The following PHF14 variants were observed in gnomAD, a reference collection of about 807,000 sequenced individuals.
The protein encoded by PHF14 is PHD finger protein 14.
In PHF14, 55 loss-of-function variants were observed where a neutral mutation model predicts 117.9. That is an observed-to-expected ratio of 0.47 (90% CI 0.38 to 0.58). The LOEUF (loss-of-function observed/expected upper bound fraction) is 0.58. Among genes scored for constraint, PHF14 ranks in the 20% least tolerant of loss-of-function variants. The pLI is 0.00. For synonymous variants in PHF14, 409 were observed against 368.6 expected (o/e 1.11, Z -1.26); for missense variants, 978 against 1,122.2 (o/e 0.87, Z 1.84).
intron 2 of PHF14, among the ~76,000 whole-genome samples, chr7:10,981,527 C>T (rs1292851696): frequency 2.0e-5 from 3 of 152,140 alleles, no homozygotes; most frequent in Non-Finnish European, 4.4e-5. Flanking sequence ...AAGAAACCTG[C>T]TAGAAAGCTT....
chr7:11,014,360 A>G (rs1783452269), intron 5 of PHF14, among the ~76,000 whole-genome samples: 1 of 152,200 alleles, frequency 6.6e-6, no homozygotes, highest in Non-Finnish European at 1.5e-5. Context: ...AAGAGTCACT[A>G]TAAGGTATAA....
In PHF14 at chr7:11,067,165, C is replaced by T. The variant is rs143857676; in HGVS notation, c.2654+5080C>T. Among the ~76,000 whole-genome samples, 7 of 152,172 alleles carry T rather than the reference C, an allele frequency of 4.6e-5. No homozygotes were observed. In the East Asian group the frequency reaches 9.7e-4, roughly 21 times the overall value. ...ATGGGCATAGGACTTGAAAATATTT[C>T]TCCAAAGAAGATATACAGTAGCCAA... On this transcript the variant is annotated intron_variant, in intron 16 of 17. Coordinates refer to ENST00000634607, the MANE Select transcript of PHF14 (RefSeq NM_001007157.2).
rs1173378531 is a variant in PHF14, at chr7:11,022,756, T to C, written c.1206-112T>C. On this transcript the variant is annotated intron_variant, in intron 5 of 17. Transcript: ENST00000634607. Reference sequence around the variant, plus strand: ...GAGATTGCGAGATTTTAACATTTGATTACAGAATTCTCTTGGTAGTATTTT... The same window carrying C: ...GAGATTGCGAGATTTTAACATTTGACTACAGAATTCTCTTGGTAGTATTTT... The C allele has an allele frequency of 7.8e-6, 4 of 510,234 alleles. No individual in the cohort carries two copies. In the African/African-American group the frequency reaches 7.9e-5, roughly 10 times the overall value. The allele number at this position is 510,234 out of a possible 1,614,324, so 31.6% of individuals were successfully genotyped here. A position where few individuals can be genotyped will look rare whatever the true frequency, so the allele number is the denominator to read the frequency against.
intron 2 of PHF14, 103 bp from the exon 3 acceptor site, chr7:10,982,269 A>G: frequency 4.4e-6 from 3 of 677,254 alleles, no homozygotes; most frequent in Non-Finnish European, 7.2e-6. Flanking sequence ...TTGTTTTGCA[A>G]GTTATTCACA....
At position 11,138,653 on chromosome 7, in the gene PHF14, T is replaced by A. The variant is rs528696108; in HGVS notation, c.2772+27186T>A. ...TATACTTAACAAATATTTTAATTTC[T>A]GATATTTATCTCACTTGCATATCAT... On this transcript the variant is annotated intron_variant, in intron 17 of 17. Coordinates refer to ENST00000634607, the MANE Select transcript of PHF14 (RefSeq NM_001007157.2). 3.3e-5 allele frequency among the ~76,000 whole-genome samples: 5 copies of A among 152,322 alleles called. No individual in the cohort carries two copies. The East Asian group carries it at 9.6e-4, about 29-fold the overall frequency.
chr7:11,136,753 T>C (rs1788231945), intron 17 of PHF14, among the ~76,000 whole-genome samples: 5 of 152,296 alleles, frequency 3.3e-5, no homozygotes, highest in Admixed American at 2.0e-4. Flanking sequence ...ATTAGATATA[T>C]GAGACCAAGA....
At chr7:11,103,040 A>G (rs1787143140) in intron 16 of PHF14, 1 of 987,420 alleles carries the variant, frequency 1.0e-6, no homozygotes, top group Non-Finnish European at 1.2e-6. Flanking sequence ...CTTCAACTTC[A>G]TACATAGATT....
At chr7:11,013,129 T>C (rs796081112) in intron 4 of PHF14, among the ~76,000 whole-genome samples, 19 of 152,284 alleles carry the variant, frequency 1.2e-4, no homozygotes, top group African/African-American at 4.1e-4. Flanking sequence ...TTAATCTAAA[T>C]TCTTTAATGA....
chr7:11,015,209 T>C (rs891036915), intron 5 of PHF14: 5 of 152,140 alleles, frequency 3.3e-5, no homozygotes, highest in Admixed American at 1.3e-4. Context: ...AATTTTACTT[T>C]AGTAAAGTAA....
intron 16 of PHF14, chr7:11,109,053 CTA>C (rs1787359802): frequency 6.6e-6 from 1 of 151,716 alleles, no homozygotes; most frequent in African/African-American, 2.4e-5. Context: ...GGAGAAAAGA[CTA>C]TAGTTAACAA....
At chr7:11,001,194 C>G (rs1782860090) in intron 4 of PHF14, among the ~76,000 whole-genome samples, 1 of 152,104 alleles carries the variant, frequency 6.6e-6, no homozygotes, top group Non-Finnish European at 1.5e-5. Flanking sequence ...TGTCAAAGAT[C>G]AGTTGACTAT....
intron 16 of PHF14, among the ~76,000 whole-genome samples, chr7:11,086,753 G>A (rs1786423954): frequency 1.3e-5 from 2 of 151,932 alleles, no homozygotes. Context: ...TTGAAATTTT[G>A]GTTAGATTGG....
intron 5 of PHF14, chr7:11,014,798 C>G (rs1367468381): frequency 1.3e-5 from 2 of 151,980 alleles, no homozygotes; most frequent in African/African-American, 2.4e-5. Context: ...ATAAGTGGCA[C>G]AAAGACCTGT....
chr7:11,062,046 C>T lies in PHF14; in HGVS notation c.2615C>T (p.Ala872Val). The change falls in exon 16 of 18, where the codon GCA becomes GTA. Residue 872 changes from alanine to valine, a missense_variant. Ala to Val is a moderately conservative substitution (Grantham distance 64, BLOSUM62 0). Coordinates refer to ENST00000634607, the MANE Select transcript of PHF14 (RefSeq NM_001007157.2). ...GCTGAAGATTTAAGAACTGAATGTG[C>T]AACTTGCAAGGGAACTGGAGACAAT... The part of the protein sequence containing the change: ...PKAEDLRTEC[A>V]TCKGTGDNEN... 1 of 1,607,438 alleles carries T rather than the reference C, an allele frequency of 6.2e-7. No homozygotes were observed. Among genetic ancestry groups the T allele is most frequent in the Non-Finnish European group, 8.5e-7 (1 of 1,176,388 alleles).
chr7:11,073,711 A>G (rs1050886178), intron 16 of PHF14, among the ~76,000 whole-genome samples: 2 of 152,172 alleles, frequency 1.3e-5, no homozygotes, highest in Non-Finnish European at 2.9e-5. Context: ...GCACTGCACT[A>G]GTAGAGGCTT....
intron 10 of PHF14, among the ~76,000 whole-genome samples, chr7:11,037,325 A>G (rs1193634722): frequency 6.6e-6 from 1 of 152,170 alleles, no homozygotes; most frequent in Non-Finnish European, 1.5e-5. Flanking sequence ...TTCCCAGCTT[A>G]ACTTTATAGT....
At chr7:11,137,751 A>G (rs1450204562) in intron 17 of PHF14, among the ~76,000 whole-genome samples, 4 of 151,556 alleles carry the variant, frequency 2.6e-5, no homozygotes, top group Non-Finnish European at 5.9e-5. Flanking sequence ...ACGCCTGGCT[A>G]ATTTTTGTAT....
chr7:10,994,040 A>G (rs1443989371), intron 4 of PHF14, among the ~76,000 whole-genome samples: 3 of 151,852 alleles, frequency 2.0e-5, no homozygotes, highest in Admixed American at 1.3e-4. Context: ...GTTAAGGGAA[A>G]TCCACTCTGA....
intron 3 of PHF14, among the ~76,000 whole-genome samples, chr7:10,987,378 G>T (rs1248288246): frequency 6.6e-6 from 1 of 151,980 alleles, no homozygotes. Flanking sequence ...ATGTGATTTA[G>T]ATAAAATTTA....
Sources: gnomAD v4.1 joint callset for allele counts (sites outside exome capture counted in the v4.1 genomes callset) on GRCh38, gnomAD v4.1.1 for gene constraint, MANE v1.5 for transcripts, NCBI Gene and HGNC (gene_info 2026-07-23, HGNC 2026-07-21) for gene names.